Variants in ADCY8 observed in about 807,000 individuals in gnomAD.
The protein encoded by ADCY8 is adenylate cyclase 8, also known as adenylate cyclase type 8.
ADCY8 carries 51 observed loss-of-function variants against 119.7 expected under a neutral mutation model. That is an observed-to-expected ratio of 0.43 (90% CI 0.34 to 0.54). The LOEUF (loss-of-function observed/expected upper bound fraction) is 0.54, where lower values mean the gene tolerates loss of function less well. ADCY8 is among the 20% of genes least tolerant of loss of function. ADCY8 has a pLI of 0.03. For missense variants in ADCY8, 1,383 were observed against 1,598.8 expected, an observed-to-expected ratio of 0.87 and a Z score of 2.30; for synonymous variants, 665 against 651.0, an observed-to-expected ratio of 1.02 and a Z score of -0.33.
intron 2 of ADCY8, among the ~76,000 whole-genome samples, chr8:130,976,531 T>A (rs985729049): frequency 6.6e-6 from 1 of 152,220 alleles, no homozygotes; most frequent in Non-Finnish European, 1.5e-5. Context: ...AACACCATCA[T>A]CTACATAGCG....
chr8:130,912,540 AT>A (rs1362798520), intron 5 of ADCY8, among the ~76,000 whole-genome samples: 1 of 152,222 alleles, frequency 6.6e-6, no homozygotes, highest in Non-Finnish European at 1.5e-5. Flanking sequence ...AAAGAAAAAA[AT>A]AAATAAAGAA....
At chr8:130,815,723 T>C (rs1816315724) in intron 13 of ADCY8, among the ~76,000 whole-genome samples, 1 of 152,252 alleles carries the variant, frequency 6.6e-6, no homozygotes, top group South Asian at 2.1e-4. Context: ...TAGACAGATA[T>C]AGCTTAGAGT....
At chr8:130,790,787 C>T (rs771004053) in intron 15 of ADCY8, among the ~76,000 whole-genome samples, 1 of 152,194 alleles carries the variant, frequency 6.6e-6, no homozygotes, top group African/African-American at 2.4e-5. Context: ...ATCCATTATA[C>T]CTTTGGGCTG....
rs754018006 is a variant in ADCY8, at chr8:131,040,583, GCT to G, written c.-252_-251del. On this transcript the variant is annotated 5_prime_UTR_variant, in exon 1 of 18. Transcript: ENST00000286355. ...TGCTGCTCTCCCGCCAGCCGGCGCAGCTTGGGTACGCAGCGGCAGTGGCTATT... is the reference window on the plus strand; with the variant it reads ...TGCTGCTCTCCCGCCAGCCGGCGCAGTGGGTACGCAGCGGCAGTGGCTATT... 170 of 388,200 alleles carry G rather than the reference GCT, an allele frequency of 4.4e-4. 1 individual carries two copies. Among genetic ancestry groups the G allele is most frequent in the Middle Eastern group, 3.9e-3 (6 of 1,530 alleles). The allele number at this position is 388,200 out of a possible 1,614,324, so 24.0% of individuals were successfully genotyped here.
At chr8:130,810,276 G>A (rs61473483) in intron 14 of ADCY8, among the ~76,000 whole-genome samples, 23,679 of 151,576 alleles carry the variant, frequency 0.16, 2,160 homozygotes, top group African/African-American at 0.25. Flanking sequence ...AGTTCTTGCC[G>A]GCCACTACAG....
chr8:130,872,820 A>C (rs1746190775), intron 8 of ADCY8, among the ~76,000 whole-genome samples: 1 of 152,226 alleles, frequency 6.6e-6, no homozygotes, highest in African/African-American at 2.4e-5. Context: ...AAATCATTTC[A>C]AAAATGAAAA....
chr8:131,015,354 G>C (rs1563768561), intron 1 of ADCY8, among the ~76,000 whole-genome samples: 1 of 152,196 alleles, frequency 6.6e-6, no homozygotes, highest in Non-Finnish European at 1.5e-5. Context: ...AGTAGCCAGG[G>C]AAGGTATCTC....
intron 9 of ADCY8, among the ~76,000 whole-genome samples, chr8:130,867,059 AG>A: frequency 6.6e-6 from 1 of 152,172 alleles, no homozygotes; most frequent in East Asian, 1.9e-4. Context: ...ATCATGTGAA[AG>A]GGGAAAACTC....
At chr8:131,028,762 T>A (rs1823901386) in intron 1 of ADCY8, among the ~76,000 whole-genome samples, 1 of 152,200 alleles carries the variant, frequency 6.6e-6, no homozygotes, top group Non-Finnish European at 1.5e-5. Flanking sequence ...ATCCATTTTT[T>A]ACGCTTAGGA....
intron 5 of ADCY8, among the ~76,000 whole-genome samples, chr8:130,917,128 T>C (rs970660410): frequency 1.3e-5 from 2 of 152,228 alleles, no homozygotes; most frequent in Non-Finnish European, 2.9e-5. Context: ...ACTGAGGCTC[T>C]GAGAGGATTA....
chr8:130,852,133 A>AG (rs1404635506), intron 9 of ADCY8, among the ~76,000 whole-genome samples: 13 of 152,180 alleles, frequency 8.5e-5, no homozygotes, highest in Non-Finnish European at 1.3e-4. Flanking sequence ...TCATGGCAGC[A>AG]GGGGGGATAA....
chr8:130,909,325 T>A (rs1451337672), intron 6 of ADCY8, among the ~76,000 whole-genome samples: 2 of 152,184 alleles, frequency 1.3e-5, no homozygotes, highest in Admixed American at 1.3e-4. Flanking sequence ...CAGTAGGTCT[T>A]AATCCTGGCT....
At chr8:130,812,841 CAT>C (rs761368352) in intron 14 of ADCY8, among the ~76,000 whole-genome samples, 258 of 152,038 alleles carry the variant, frequency 1.7e-3, no homozygotes, top group Non-Finnish European at 2.1e-3. Flanking sequence ...AATATACACA[CAT>C]GTATCACACA....
intron 12 of ADCY8, among the ~76,000 whole-genome samples, chr8:130,825,697 G>A (rs1816649478): frequency 6.6e-6 from 1 of 152,240 alleles, no homozygotes; most frequent in Non-Finnish European, 1.5e-5. Context: ...GGTCACTGAT[G>A]AGGCACTTGA....
chr8:130,976,804 C>T (rs1470999169), intron 2 of ADCY8, among the ~76,000 whole-genome samples: 1 of 152,126 alleles, frequency 6.6e-6, no homozygotes, highest in Admixed American at 6.5e-5. Context: ...ATATCCTCCT[C>T]AAATATGATA....
At chr8:130,857,777 G>A (rs533837452) in intron 9 of ADCY8, among the ~76,000 whole-genome samples, 1 of 152,118 alleles carries the variant, frequency 6.6e-6, no homozygotes, top group South Asian at 2.1e-4. Context: ...TCTTTAAAAT[G>A]TTATAGCTAG....
chr8:130,962,612 C>G (rs568932692), intron 2 of ADCY8, among the ~76,000 whole-genome samples: 11 of 152,316 alleles, frequency 7.2e-5, no homozygotes, highest in African/African-American at 2.6e-4. Context: ...GAGGGGAAGT[C>G]AAGGTGAAAA....
At chr8:131,026,617 A>G (rs757814186) in intron 1 of ADCY8, among the ~76,000 whole-genome samples, 2 of 152,130 alleles carry the variant, frequency 1.3e-5, no homozygotes, top group Non-Finnish European at 2.9e-5. Flanking sequence ...CACAGAACCT[A>G]GGGTCCTCCT....
intron 12 of ADCY8, among the ~76,000 whole-genome samples, chr8:130,831,061 C>A (rs531671685): frequency 5.3e-4 from 81 of 152,232 alleles, no homozygotes; most frequent in African/African-American, 1.8e-3. Context: ...TAGAAAAAAA[C>A]CACATTAAAT....
Sources: gnomAD v4.1 joint callset for allele counts (sites outside exome capture counted in the v4.1 genomes callset) on GRCh38, gnomAD v4.1.1 for gene constraint, MANE v1.5 for transcripts, NCBI Gene and HGNC (gene_info 2026-07-23, HGNC 2026-07-21) for gene names.